The following EPB41L1 variants were observed in gnomAD, a reference collection of about 807,000 sequenced individuals.
The protein encoded by EPB41L1 is band 4.1-like protein 1.
In EPB41L1, 29 loss-of-function variants were observed where a neutral mutation model predicts 97.8. The observed-to-expected ratio is 0.30, with a 90% CI of 0.22 to 0.40. EPB41L1 has a LOEUF of 0.40. Among genes scored for constraint, EPB41L1 ranks in the 10% least tolerant of loss-of-function variants. The pLI is 1.00. For synonymous variants in EPB41L1, 383 were observed against 459.2 expected, an observed-to-expected ratio of 0.83 and a Z score of 2.12; for missense variants, 812 against 1,162.3, an observed-to-expected ratio of 0.70 and a Z score of 4.38.
intron 2 of EPB41L1, among the ~76,000 whole-genome samples, chr20:36,131,651 T>C (rs1191912140): frequency 1.3e-5 from 2 of 152,110 alleles, no homozygotes; most frequent in Non-Finnish European, 2.9e-5. Context: ...TTTCTGTGCA[T>C]GAAAGCATGG....
intron 11 of EPB41L1, among the ~76,000 whole-genome samples, chr20:36,192,364 C>G (rs1487278560): frequency 6.6e-6 from 1 of 151,940 alleles, no homozygotes; most frequent in African/African-American, 2.4e-5. Flanking sequence ...AACCTCGTCT[C>G]TACTAAAAAT....
chr20:36,178,095 G>C lies in EPB41L1; in HGVS notation c.447+39G>C, dbSNP rs377738695. 4.0e-6 allele frequency: 6 copies of C among 1,487,828 alleles called. No individual in the cohort carries two copies. The African/African-American group carries it at 8.3e-5, about 21-fold the overall frequency. 92.2% of individuals were successfully genotyped at this position (1,487,828 alleles called of 1,614,324 possible). ...GGAGCAGGGTGGGACCTGCTCTTCC[G>C]TTAGGCTCCTGTAATCCTGGCCACC... On this transcript the variant is annotated intron_variant, in intron 4 of 21. Coordinates refer to ENST00000338074, the MANE Select transcript of EPB41L1 (RefSeq NM_012156.2).
intron 21 of EPB41L1, among the ~76,000 whole-genome samples, chr20:36,227,823 C>G (rs1368100962): frequency 6.6e-6 from 1 of 152,188 alleles, no homozygotes; most frequent in Non-Finnish European, 1.5e-5. Context: ...AACCTTTTCC[C>G]TTCTCTCCCT....
At chr20:36,215,379 G>T (rs947101508) in intron 17 of EPB41L1, among the ~76,000 whole-genome samples, 3 of 152,172 alleles carry the variant, frequency 2.0e-5, no homozygotes, top group Non-Finnish European at 4.4e-5. Flanking sequence ...TGGGGCTGGG[G>T]CTGCGGTTGC....
In EPB41L1 at chr20:36,092,744, CG is replaced by C. The variant is rs1053809549; in HGVS notation, c.-65+1133del. On this transcript the variant is annotated intron_variant, in intron 1 of 19. Coordinates refer to the EPB41L1 transcript ENST00000202028. The surrounding 1 kb of genome is among the most constrained non-coding windows in gnomAD (Gnocchi z 7.0). ...CGCAGCTCTAGCGCGCCTCGGAGCC[CG>C]CCGGGGCAGCCGCCGGACACCAGGA... The C allele has an allele frequency of 6.6e-6, 1 of 152,334 alleles. No homozygotes were observed. Among genetic ancestry groups the C allele is most frequent in the African/African-American group, 2.4e-5 (1 of 41,394 alleles). 9.4% of individuals were successfully genotyped at this position (152,334 alleles called of 1,614,324 possible). A position where few individuals can be genotyped will look rare whatever the true frequency, so the allele number is the denominator to read the frequency against.
At chr20:36,200,452 C>CT (rs11409340) in intron 14 of EPB41L1, among the ~76,000 whole-genome samples, 5,514 of 152,252 alleles carry the variant, frequency 0.036, 288 homozygotes, top group East Asian at 0.19. Flanking sequence ...AGAGGGAACT[C>CT]TAACTGTTCC....
intron 2 of EPB41L1, among the ~76,000 whole-genome samples, chr20:36,113,269 G>A (rs565845441): frequency 6.4e-4 from 98 of 152,308 alleles, no homozygotes; most frequent in African/African-American, 2.0e-3. Context: ...GGGAAATTTC[G>A]AAGTAACATG....
intron 1 of EPB41L1, chr20:36,155,151 G>A (rs947214916): frequency 4.4e-6 from 2 of 459,552 alleles, no homozygotes; most frequent in East Asian, 7.0e-5. Flanking sequence ...TGAGCGGTGG[G>A]TGGGCGCTGG....
intron 1 of EPB41L1, among the ~76,000 whole-genome samples, chr20:36,107,211 CTTTT>C (rs397864874): frequency 1.8e-5 from 2 of 114,228 alleles, no homozygotes; most frequent in African/African-American, 7.8e-5. Flanking sequence ...GAGAATATAC[CTTTT>C]TTTTTTTTTT....
rs1016910836 is a variant in EPB41L1 at position 36,093,545 on chromosome 20, C to T, written c.-65+1933C>T. 2.5e-4 allele frequency among the ~76,000 whole-genome samples: 38 copies of T among 152,168 alleles called. No individual in the cohort carries two copies. The highest frequency in any genetic ancestry group is 6.8e-3 in the Middle Eastern group (2 of 292). ...TGGCGGCGGCGGGGGTGTCCCTTCC[C>T]CGTCGGGCAGAGACTCCCTGCTGGC... On this transcript the variant is annotated intron_variant, in intron 1 of 19. Coordinates refer to the EPB41L1 transcript ENST00000202028. This position sits in a 1 kb window ranked among gnomAD's most constrained non-coding sequence, Gnocchi z 5.4.
intron 2 of EPB41L1, among the ~76,000 whole-genome samples, chr20:36,143,137 T>TTGTGTGTGTG (rs59256378): frequency 1.3e-3 from 168 of 130,812 alleles, no homozygotes; most frequent in Middle Eastern, 3.8e-3. Flanking sequence ...GAGGGTGTGT[T>TTGTGTGTGTG]TGTGTGTGTG....
Position 36,212,260 on chromosome 20 carries a change from CT to C in EPB41L1, c.2080-8del. On this transcript the variant is annotated splice_polypyrimidine_tract_variant and intron_variant, in intron 15 of 21. Transcript: ENST00000338074. The surrounding 1 kb of genome is among the most constrained non-coding windows in gnomAD (Gnocchi z 4.8). ...TTTCAGTTACAGAGCATTCTCCCTCCTTTTCCTACAGCCCGTGAAAACAGAA... is the reference window on the plus strand; with the variant it reads ...TTTCAGTTACAGAGCATTCTCCCTCCTTTCCTACAGCCCGTGAAAACAGAA... The C allele has an allele frequency of 1.2e-6, 2 of 1,613,870 alleles. No individual in the cohort carries two copies. Among genetic ancestry groups the C allele is most frequent in the South Asian group, 1.1e-5 (1 of 91,084 alleles).
intron 1 of EPB41L1, among the ~76,000 whole-genome samples, chr20:36,156,960 G>A (rs1044622481): frequency 8.5e-5 from 13 of 152,212 alleles, no homozygotes; most frequent in African/African-American, 2.2e-4. Context: ...GCGCCATTGC[G>A]CACGCCTGTA....
In EPB41L1 at chr20:36,214,559, A is replaced by G. The variant is rs974629348; in HGVS notation, c.2268+119A>G. ...AGTTGTGAGCTGCCCTCGCTGCATC[A>G]GGCATGGGACATAAGTCAGCTGTTT... is the stretch of plus-strand genomic sequence containing the variant. On this transcript the variant is annotated intron_variant, in intron 17 of 21. Coordinates refer to ENST00000338074, the MANE Select transcript of EPB41L1 (RefSeq NM_012156.2). 5 of 803,518 alleles carry G rather than the reference A, an allele frequency of 6.2e-6. No individual in the cohort carries two copies. The African/African-American group carries it at 8.5e-5, about 14-fold the overall frequency. 49.8% of individuals were successfully genotyped at this position (803,518 alleles called of 1,614,324 possible). A position where few individuals can be genotyped will look rare whatever the true frequency, so the allele number is the denominator to read the frequency against.
At chr20:36,214,310 A>G (rs1413898167) in intron 16 of EPB41L1, 47 bp from the exon 17 acceptor site, 4 of 1,486,812 alleles carry the variant, frequency 2.7e-6, no homozygotes, top group East Asian at 2.3e-5. Flanking sequence ...CAGATGCTGC[A>G]GGTATACCCA....
chr20:36,162,793 G>A (rs1052494263), intron 1 of EPB41L1, among the ~76,000 whole-genome samples: 5 of 152,238 alleles, frequency 3.3e-5, no homozygotes, highest in Non-Finnish European at 5.9e-5. Flanking sequence ...GATGGGTGGT[G>A]GCCTTTTCAC....
rs756563491 is a variant in EPB41L1 at position 36,209,573 on chromosome 20, A to G, written c.1754A>G (p.Gln585Arg). Residue 585 changes from glutamine to arginine, a missense_variant, in exon 15 of 22, where the codon CAG becomes CGG. Gln to Arg is a conservative substitution (Grantham distance 43). This residue lies in a region of EPB41L1 where 498 missense variants were observed against 622.7 expected (regional missense o/e 0.80). Coordinates refer to ENST00000338074, the MANE Select transcript of EPB41L1 (RefSeq NM_012156.2). The surrounding 1 kb of genome is among the most constrained non-coding windows in gnomAD (Gnocchi z 4.2). ...GAGAGTGACACAGGCGATGAGGACCAGGACCAGGAGAGGGACACGGTGTTC... is the reference window on the plus strand; with the variant it reads ...GAGAGTGACACAGGCGATGAGGACCGGGACCAGGAGAGGGACACGGTGTTC... ...APESDTGDED[Q>R]DQERDTVFLK... is the part of the protein sequence containing the mutation. 6.2e-7 allele frequency: 1 copy of G among 1,614,170 alleles called. No individual in the cohort carries two copies. Among genetic ancestry groups the G allele is most frequent in the East Asian group, 2.2e-5 (1 of 44,880 alleles).
At chr20:36,126,252 T>A (rs2058962647) in intron 2 of EPB41L1, among the ~76,000 whole-genome samples, 1 of 152,196 alleles carries the variant, frequency 6.6e-6, no homozygotes, top group Non-Finnish European at 1.5e-5. Context: ...CTTGGCCTCC[T>A]TTGGTGGTAA....
chr20:36,098,000 G>A (rs571001640), intron 1 of EPB41L1, among the ~76,000 whole-genome samples: 21 of 152,326 alleles, frequency 1.4e-4, no homozygotes, highest in Non-Finnish European at 2.6e-4. Flanking sequence ...ACAGAGGATG[G>A]TTGGTCTGGG....
Sources: gnomAD v4.1 joint callset for allele counts (sites outside exome capture counted in the v4.1 genomes callset) on GRCh38, gnomAD v4.1.1 for gene constraint, gnomAD v4.1.1 regional missense constraint, Gnocchi (gnomAD v3.1) non-coding constraint, MANE v1.5 for transcripts, NCBI Gene and HGNC (gene_info 2026-07-23, HGNC 2026-07-21) for gene names.